Variants in VPS13A observed in about 807,000 individuals in gnomAD.
VPS13A encodes the protein intermembrane lipid transfer protein VPS13A.
In VPS13A, 264 loss-of-function variants were observed where a neutral mutation model predicts 390.9. That is an observed-to-expected ratio of 0.68 (90% CI 0.61 to 0.75). The LOEUF is 0.75. Ranked by LOEUF, VPS13A falls within the 30% of genes least tolerant of loss-of-function variation. The pLI, the probability that VPS13A is intolerant of heterozygous loss-of-function variation, is 0.00. For synonymous variants in VPS13A, 1,231 were observed against 1,227.1 expected, an observed-to-expected ratio of 1.00 and a Z score of -0.07; for missense variants, 3,409 against 3,733.9, an observed-to-expected ratio of 0.91 and a Z score of 2.27.
intron 67 of VPS13A, 72 bp downstream of exon 67, chr9:77,371,221 G>A (rs1832731049): frequency 6.3e-7 from 1 of 1,598,918 alleles, no homozygotes; most frequent in African/African-American, 1.3e-5. Context: ...TCTGCTCTTT[G>A]GCTTCAGGCA....
intron 68 of VPS13A, among the ~76,000 whole-genome samples, chr9:77,390,452 G>C (rs1485223121): frequency 1.3e-5 from 2 of 152,060 alleles, no homozygotes; most frequent in South Asian, 2.1e-4. Context: ...TTTTGGACCA[G>C]TAGAGTCCAA....
At position 77,358,250 on chromosome 9, in the gene VPS13A, T is replaced by C. The variant is rs1020999748; in HGVS notation, c.7954-107T>C. The C allele has an allele frequency of 4.0e-6, 4 of 999,716 alleles. No individual in the cohort carries two copies. In the African/African-American group the frequency reaches 6.4e-5, roughly 16 times the overall value. The allele number at this position is 999,716 out of a possible 1,614,324, so 61.9% of individuals were successfully genotyped here. The stretch of plus-strand genomic sequence containing the variant: ...GGATTACAGGCGTGAGCCACCGTGC[T>C]TGGTCACCGCTAGACTTTTTGATTC... On this transcript the variant is annotated intron_variant, in intron 56 of 71. Transcript: ENST00000360280.
At chr9:77,412,561 C>T (rs932986570) in intron 71 of VPS13A, among the ~76,000 whole-genome samples, 27 of 152,146 alleles carry the variant, frequency 1.8e-4, no homozygotes, top group African/African-American at 5.8e-4. Context: ...ATCCTAAAAA[C>T]TCTCAATAAA....
intron 1 of VPS13A, 114 bp from the exon 2 acceptor site, chr9:77,199,831 T>C: frequency 2.5e-6 from 2 of 795,462 alleles, no homozygotes; most frequent in Non-Finnish European, 2.0e-6. Flanking sequence ...ATATTATCTG[T>C]TATGCACATT....
At chr9:77,364,557 G>A (rs1464540780) in intron 59 of VPS13A, among the ~76,000 whole-genome samples, 1 of 152,184 alleles carries the variant, frequency 6.6e-6, no homozygotes, top group Non-Finnish European at 1.5e-5. Context: ...GTTCTTCCCA[G>A]GAAGGAAGTC....
At chr9:77,295,903 G>A in intron 33 of VPS13A, 57 bp downstream of exon 33, 3 of 1,549,600 alleles carry the variant, frequency 1.9e-6, no homozygotes, top group Non-Finnish European at 2.7e-6. Flanking sequence ...ACTTTTTAAA[G>A]ACTTTGATGT....
chr9:77,178,346 T>G (rs1234319169), intron 1 of VPS13A, among the ~76,000 whole-genome samples: 1 of 152,156 alleles, frequency 6.6e-6, no homozygotes, highest in African/African-American at 2.4e-5. Flanking sequence ...TCACCCGTGG[T>G]GCTTTCTGCT....
At chr9:77,409,266 C>T (rs757415708) in intron 71 of VPS13A, among the ~76,000 whole-genome samples, 1 of 152,174 alleles carries the variant, frequency 6.6e-6, no homozygotes, top group Non-Finnish European at 1.5e-5. Flanking sequence ...AACTAATAAA[C>T]AGAAAGGACA....
At chr9:77,363,389 AATTTTTTTTTTTTT>A (rs1203309379) in intron 59 of VPS13A, among the ~76,000 whole-genome samples, 13 of 123,836 alleles carry the variant, frequency 1.0e-4, no homozygotes, top group African/African-American at 3.6e-4. Flanking sequence ...TTATTACATT[AATTTTTTTTTTTTT>A]ATTTTTTTTT....
At chr9:77,381,394 TAGAAA>T in intron 67 of VPS13A, among the ~76,000 whole-genome samples, 1 of 152,284 alleles carries the variant, frequency 6.6e-6, no homozygotes, top group South Asian at 2.1e-4. Flanking sequence ...ATTTGAATAT[TAGAAA>T]ACTATATAAT....
intron 46 of VPS13A, 108 bp downstream of exon 46, chr9:77,332,221 T>G (rs931001626): frequency 2.4e-6 from 2 of 848,494 alleles, no homozygotes; most frequent in African/African-American, 3.3e-5. Context: ...ATAGCTTATC[T>G]AACGTATTTA....
chr9:77,193,013 T>A (rs1266479991), intron 1 of VPS13A, among the ~76,000 whole-genome samples: 1 of 152,178 alleles, frequency 6.6e-6, no homozygotes, highest in Non-Finnish European at 1.5e-5. Flanking sequence ...CATAATCTCA[T>A]GTTTTTGGGA....
Position 77,318,443 on chromosome 9 carries a change from T to G in VPS13A, c.5165T>G (p.Ile1722Arg). The G allele has an allele frequency of 1.2e-6, 2 of 1,613,928 alleles. No individual in the cohort carries two copies. The highest frequency in any genetic ancestry group is 1.7e-6 in the Non-Finnish European group (2 of 1,179,874). The part of the protein sequence containing the change: ...TTELVPKGEM[I>R]KMNIDSIFIV... ...GAATTGGTACCCAAAGGCGAGATGATAAAAATGAACATTGATTCTATTTTT... is the reference window on the plus strand; with the variant it reads ...GAATTGGTACCCAAAGGCGAGATGAGAAAAATGAACATTGATTCTATTTTT... The change falls in exon 41 of 72, where the codon ATA becomes AGA. Residue 1722 changes from isoleucine to arginine, a missense_variant. This residue lies in a region of VPS13A where 2,717 missense variants were observed against 2,917.4 expected (regional missense o/e 0.93). Coordinates refer to ENST00000360280, the MANE Select transcript of VPS13A (RefSeq NM_033305.3).
chr9:77,355,341 T>A (rs1831715738), intron 54 of VPS13A, among the ~76,000 whole-genome samples: 1 of 152,222 alleles, frequency 6.6e-6, no homozygotes, highest in Non-Finnish European at 1.5e-5. Flanking sequence ...CTTGATGTAG[T>A]TTCTTTCACG....
rs554543140 is a variant in VPS13A at position 77,291,700 on chromosome 9, C to T, written c.3340-1641C>T. Among the ~76,000 whole-genome samples the T allele has an allele frequency of 2.6e-5, 4 of 152,226 alleles. No homozygotes were observed. The South Asian group carries it at 8.3e-4, about 32-fold the overall frequency. On this transcript the variant is annotated intron_variant, in intron 31 of 71. Coordinates refer to ENST00000360280, the MANE Select transcript of VPS13A (RefSeq NM_033305.3). ...TCCTAGATGTTAGAGGCTCCTGCTG[C>T]TTGTTTCTTAGTGCTTGTGAGCTTG...
chr9:77,371,791 A>G (rs1217629926), intron 67 of VPS13A, among the ~76,000 whole-genome samples: 2 of 134,002 alleles, frequency 1.5e-5, no homozygotes, highest in African/African-American at 2.8e-5. Context: ...ATATCTCCCA[A>G]TGCTATCCCT....
intron 50 of VPS13A, among the ~76,000 whole-genome samples, chr9:77,343,123 C>G (rs556098333): frequency 6.6e-6 from 1 of 152,090 alleles, no homozygotes; most frequent in East Asian, 1.9e-4. Flanking sequence ...CCTGCAGGAG[C>G]TCTCAAGGAA....
At chr9:77,305,285 GAT>G (rs1338707516) in intron 34 of VPS13A, among the ~76,000 whole-genome samples, 1 of 152,136 alleles carries the variant, frequency 6.6e-6, no homozygotes, top group African/African-American at 2.4e-5. Flanking sequence ...CATAAAACAT[GAT>G]GGCATTATGA....
intron 13 of VPS13A, among the ~76,000 whole-genome samples, chr9:77,221,960 C>T (rs986076094): frequency 2.0e-5 from 3 of 152,028 alleles, no homozygotes; most frequent in African/African-American, 7.2e-5. Flanking sequence ...AGTAGTTTTA[C>T]ATTTAATTAT....
Sources: gnomAD v4.1 joint callset for allele counts (sites outside exome capture counted in the v4.1 genomes callset) on GRCh38, gnomAD v4.1.1 for gene constraint, gnomAD v4.1.1 regional missense constraint, MANE v1.5 for transcripts, NCBI Gene and HGNC (gene_info 2026-07-23, HGNC 2026-07-21) for gene names.